L3MBTL4: variants seen among roughly 807,000 people sequenced by gnomAD.
The protein encoded by L3MBTL4 is L3MBTL histone methyl-lysine binding protein 4.
L3MBTL4 carries 70 observed loss-of-function variants against 84.5 expected under a neutral mutation model. The ratio of observed to expected loss-of-function variants is 0.83; its 90% CI spans 0.68 to 1.01. The LOEUF (loss-of-function observed/expected upper bound fraction) is 1.01. Among genes scored for constraint, L3MBTL4 ranks in the 50% least tolerant of loss-of-function variants. The pLI, the probability that L3MBTL4 is intolerant of heterozygous loss-of-function variation, is 0.00. For synonymous variants in L3MBTL4, 274 were observed against 259.8 expected, an observed-to-expected ratio of 1.05 and a Z score of -0.52; for missense variants, 715 against 754.8, an observed-to-expected ratio of 0.95 and a Z score of 0.62.
chr18:6,284,240 A>G lies in L3MBTL4; in HGVS notation c.127+17663T>C, dbSNP rs137904184. ...TTCTACAAAGTGAGCTACCATACAA[A>G]TACAGCTCCGTGCTTACACGCTGAA... On this transcript the variant is annotated intron_variant, in intron 4 of 18. Transcript: ENST00000317931. Among the ~76,000 whole-genome samples the G allele has an allele frequency of 2.8e-4, 42 of 152,350 alleles. No individual in the cohort carries two copies. The East Asian group carries it at 6.6e-3, about 24-fold the overall frequency.
intron 16 of L3MBTL4, among the ~76,000 whole-genome samples, chr18:5,985,375 C>T (rs543194136): frequency 6.6e-6 from 1 of 152,250 alleles, no homozygotes; most frequent in African/African-American, 2.4e-5. Flanking sequence ...TTCCCAGTAA[C>T]TAAAATCCAG....
At chr18:6,284,645 T>A (rs1025159069) in intron 4 of L3MBTL4, among the ~76,000 whole-genome samples, 25 of 145,440 alleles carry the variant, frequency 1.7e-4, no homozygotes, top group African/African-American at 5.9e-4. Flanking sequence ...CTCTCCTCCA[T>A]GTCATCTGTG....
chr18:6,006,234 T>C (rs568263949), intron 16 of L3MBTL4, among the ~76,000 whole-genome samples: 87 of 152,288 alleles, frequency 5.7e-4, no homozygotes, highest in African/African-American at 1.9e-3. Flanking sequence ...ACTGAGTATG[T>C]ATAAGTCTAA....
intron 14 of L3MBTL4, among the ~76,000 whole-genome samples, chr18:6,113,761 C>G (rs1420562430): frequency 6.6e-6 from 1 of 152,166 alleles, no homozygotes; most frequent in Non-Finnish European, 1.5e-5. Flanking sequence ...TCAAAGATAA[C>G]TTGAGTTCAT....
chr18:6,152,181 G>T (rs546692381), intron 13 of L3MBTL4, among the ~76,000 whole-genome samples: 5 of 152,078 alleles, frequency 3.3e-5, no homozygotes, highest in Non-Finnish European at 7.4e-5. Context: ...GAATAATGAC[G>T]CAATGAACAT....
intron 1 of L3MBTL4, among the ~76,000 whole-genome samples, chr18:6,407,278 T>C (rs2055775688): frequency 6.6e-6 from 1 of 152,212 alleles, no homozygotes; most frequent in Admixed American, 6.5e-5. Flanking sequence ...GAGTTCTTGG[T>C]CTGTTAACCT....
chr18:6,407,207 C>T (rs1353299699), intron 1 of L3MBTL4, among the ~76,000 whole-genome samples: 2 of 152,172 alleles, frequency 1.3e-5, no homozygotes, highest in Non-Finnish European at 2.9e-5. Flanking sequence ...AATAGATGGG[C>T]ATCACCGATT....
rs1457999160 is a variant in L3MBTL4 at position 6,317,932 on chromosome 18, G to C, written c.-90-5876C>G. ...TAGCAGAAATCTTAAAAGCCAGAAG[G>C]AATTGGGATTTTATTTTTAGCCTCT... is the stretch of plus-strand genomic sequence containing the variant. On this transcript the variant is annotated intron_variant, in intron 1 of 18. Transcript: ENST00000317931. 7.2e-5 allele frequency among the ~76,000 whole-genome samples: 11 copies of C among 152,168 alleles called. No homozygotes were observed. The East Asian group carries it at 2.1e-3, about 29-fold the overall frequency.
chr18:6,318,032 C>A (rs2051198805), intron 1 of L3MBTL4, among the ~76,000 whole-genome samples: 1 of 152,060 alleles, frequency 6.6e-6, no homozygotes, highest in Non-Finnish European at 1.5e-5. Context: ...GAAATAAAGT[C>A]ATTTTCAGAC....
intron 12 of L3MBTL4, among the ~76,000 whole-genome samples, chr18:6,183,421 T>TAC (rs2044573442): frequency 6.6e-6 from 1 of 152,262 alleles, no homozygotes; most frequent in Non-Finnish European, 1.5e-5. Context: ...ACTGCTGATG[T>TAC]AAAGGTCGTT....
chr18:6,019,148 A>AT (rs1229021521), intron 16 of L3MBTL4, among the ~76,000 whole-genome samples: 1 of 152,198 alleles, frequency 6.6e-6, no homozygotes, highest in Non-Finnish European at 1.5e-5. Flanking sequence ...ACAGTCACAG[A>AT]TTTTATACCA....
intron 1 of L3MBTL4, among the ~76,000 whole-genome samples, chr18:6,408,908 C>T (rs1320625978): frequency 6.6e-6 from 1 of 152,112 alleles, no homozygotes; most frequent in East Asian, 1.9e-4. Flanking sequence ...AACTCCTAAA[C>T]TCAGGCAATC....
At chr18:6,215,510 A>G (rs1003406519) in intron 11 of L3MBTL4, among the ~76,000 whole-genome samples, 1 of 152,184 alleles carries the variant, frequency 6.6e-6, no homozygotes, top group Non-Finnish European at 1.5e-5. Flanking sequence ...GGTGTTTTCA[A>G]TTGTACCTCT....
chr18:6,101,607 C>T (rs1053500409), intron 14 of L3MBTL4, among the ~76,000 whole-genome samples: 12 of 152,184 alleles, frequency 7.9e-5, no homozygotes, highest in African/African-American at 2.9e-4. Context: ...TAAGCCCAAT[C>T]CTTACCCTCT....
intron 1 of L3MBTL4, among the ~76,000 whole-genome samples, chr18:6,379,377 G>C (rs1255034795): frequency 6.6e-6 from 1 of 152,098 alleles, no homozygotes. Context: ...GGTGAGATAG[G>C]GCATCCTTGT....
rs111251195 is a variant in L3MBTL4 at position 6,316,346 on chromosome 18, T to G, written c.-90-4290A>C. On this transcript the variant is annotated intron_variant, in intron 1 of 18. Transcript: ENST00000317931. ...CACCAACTCCTAGGGGAAGGGGAAG[T>G]GCACCACATCAAGGGAACACCCCAT... 8.6e-3 allele frequency among the ~76,000 whole-genome samples: 1,315 copies of G among 152,278 alleles called. 24 individuals carry two copies. Among genetic ancestry groups the G allele is most frequent in the African/African-American group, 0.03 (1,240 of 41,548 alleles).
intron 3 of L3MBTL4, among the ~76,000 whole-genome samples, chr18:6,311,293 T>C (rs1294013188): frequency 6.6e-6 from 1 of 152,042 alleles, no homozygotes; most frequent in African/African-American, 2.4e-5. Context: ...GTTCTCTTAC[T>C]TGAGAATGAT....
At chr18:6,070,841 A>AAAT (rs898424791) in intron 16 of L3MBTL4, among the ~76,000 whole-genome samples, 1 of 152,056 alleles carries the variant, frequency 6.6e-6, no homozygotes, top group African/African-American at 2.4e-5. Flanking sequence ...CTGTCTAAAA[A>AAAT]AATAATAATA....
intron 4 of L3MBTL4, among the ~76,000 whole-genome samples, chr18:6,295,066 G>C (rs1169551118): frequency 1.3e-5 from 2 of 152,070 alleles, no homozygotes; most frequent in African/African-American, 2.4e-5. Context: ...GAGGTCAAGA[G>C]TTTGAGACCA....
Sources: allele counts gnomAD v4.1 joint callset (sites outside exome capture counted in the v4.1 genomes callset), GRCh38; gene constraint gnomAD v4.1.1; transcripts MANE v1.5; gene names NCBI Gene and HGNC (gene_info 2026-07-23, HGNC 2026-07-21).